The following CTBP2 variants were observed in gnomAD, a reference collection of about 807,000 sequenced individuals.
The protein encoded by CTBP2 is C-terminal binding protein 2, also known as C-terminal-binding protein 2.
CTBP2 carries 30 observed loss-of-function variants against 80.3 expected under a neutral mutation model. The ratio of observed to expected loss-of-function variants is 0.37; its 90% CI spans 0.28 to 0.51. CTBP2 has a LOEUF of 0.51. CTBP2 is among the 20% of genes least tolerant of loss of function. The probability of loss-of-function intolerance (pLI) is 0.93; values close to 1 mark genes in which losing one functional copy is unlikely to be tolerated. For missense variants in CTBP2, 1,212 were observed against 1,375.3 expected (o/e 0.88, Z 1.88); for synonymous variants, 594 against 587.4 (o/e 1.01, Z -0.16).
intron 2 of CTBP2, among the ~76,000 whole-genome samples, chr10:125,039,435 T>C (rs537911396): frequency 3.9e-5 from 6 of 152,256 alleles, no homozygotes; most frequent in Non-Finnish European, 7.3e-5. Flanking sequence ...CTTTTAACTT[T>C]AGGGCTATAA....
upstream of CTBP2, among the ~76,000 whole-genome samples, chr10:125,029,106 T>C (rs1957930994): frequency 6.6e-6 from 1 of 152,226 alleles, no homozygotes; most frequent in Non-Finnish European, 1.5e-5. Context: ...TTGAAAGCAC[T>C]TTAAAATGAG....
chr10:125,041,922 C>T (rs2935653), intron 2 of CTBP2, among the ~76,000 whole-genome samples: 80,805 of 149,010 alleles, frequency 0.54, 22,151 homozygotes, highest in Admixed American at 0.63. Flanking sequence ...GCCAATATTC[C>T]ACTATTAAAA....
chr10:125,104,193 C>G (rs532289112), intron 2 of CTBP2, among the ~76,000 whole-genome samples: 2 of 152,160 alleles, frequency 1.3e-5, no homozygotes, highest in African/African-American at 4.8e-5. Flanking sequence ...TCGATCCCAG[C>G]GGCCTGGAGA....
At chr10:125,094,314 T>C (rs772818186) in intron 2 of CTBP2, among the ~76,000 whole-genome samples, 1 of 152,118 alleles carries the variant, frequency 6.6e-6, no homozygotes, top group Non-Finnish European at 1.5e-5. Context: ...AAATGCACTG[T>C]CATGAACACC....
intron 1 of CTBP2, among the ~76,000 whole-genome samples, chr10:125,009,240 G>A (rs1172129115): frequency 2.0e-5 from 3 of 152,196 alleles, no homozygotes; most frequent in African/African-American, 7.2e-5. Flanking sequence ...TGGCACCGGG[G>A]AACGAGCATT....
At chr10:125,091,881 G>GA (rs1848816118) in intron 2 of CTBP2, among the ~76,000 whole-genome samples, 1 of 152,130 alleles carries the variant, frequency 6.6e-6, no homozygotes, top group Non-Finnish European at 1.5e-5. Context: ...TAATCACTAT[G>GA]AACTGCTCCT....
chr10:125,045,132 C>T (rs1355871697), intron 2 of CTBP2, among the ~76,000 whole-genome samples: 2 of 152,122 alleles, frequency 1.3e-5, no homozygotes, highest in Non-Finnish European at 2.9e-5. Flanking sequence ...CCCTCAGGAA[C>T]AGGATTATTA....
At chr10:125,080,487 G>T (rs80277486) in intron 2 of CTBP2, among the ~76,000 whole-genome samples, 2,381 of 152,272 alleles carry the variant, frequency 0.016, 70 homozygotes, top group South Asian at 0.11. Context: ...CTGTCGACCT[G>T]ACAACACCCC....
chr10:125,041,421 A>T (rs1015842420), intron 2 of CTBP2, among the ~76,000 whole-genome samples: 5 of 151,570 alleles, frequency 3.3e-5, no homozygotes, highest in African/African-American at 9.7e-5. Flanking sequence ...ACAAAAAAAG[A>T]GTCCCTAACT....
chr10:125,142,651 C>T (rs1858035097), intron 1 of CTBP2, among the ~76,000 whole-genome samples: 1 of 152,114 alleles, frequency 6.6e-6, no homozygotes, highest in Non-Finnish European at 1.5e-5. Flanking sequence ...AAACTTGATC[C>T]TTCTCAAAAA....
chr10:124,986,673 T>C lies in CTBP2; in HGVS notation c.*2845A>G, dbSNP rs967068176. On this transcript the variant is annotated 3_prime_UTR_variant, in exon 9 of 9. Transcript: ENST00000309035. ...TAAAAATTGGCTGTTTGCTTTCATTTTGGCCAATAAGTAATCAAGTTTGTA... is the reference window on the plus strand; with the variant it reads ...TAAAAATTGGCTGTTTGCTTTCATTCTGGCCAATAAGTAATCAAGTTTGTA... 2 of 152,232 alleles carry C rather than the reference T, an allele frequency of 1.3e-5. No homozygotes were observed. Among genetic ancestry groups the C allele is most frequent in the Admixed American group, 1.3e-4 (2 of 15,280 alleles). 9.4% of individuals were successfully genotyped at this position (152,232 alleles called of 1,614,324 possible).
chr10:125,111,880 C>T (rs970282319), intron 1 of CTBP2, among the ~76,000 whole-genome samples: 5 of 152,124 alleles, frequency 3.3e-5, no homozygotes, highest in Non-Finnish European at 7.3e-5. Flanking sequence ...GTCCTTTCTA[C>T]GGCTTTTCCA....
intron 2 of CTBP2, among the ~76,000 whole-genome samples, chr10:125,044,316 T>C (rs1356906764): frequency 8.6e-6 from 1 of 116,622 alleles, no homozygotes; most frequent in Admixed American, 9.4e-5. Flanking sequence ...CTTGCACACA[T>C]AGCCGAGGAT....
intron 2 of CTBP2, among the ~76,000 whole-genome samples, chr10:125,109,387 C>G (rs562469305): frequency 7.2e-5 from 11 of 152,334 alleles, no homozygotes; most frequent in Admixed American, 6.5e-4. Flanking sequence ...CAGCACCCAA[C>G]ACTGGAACTA....
intron 2 of CTBP2, 27 bp from the exon 3 acceptor site, chr10:125,039,182 C>T (rs1959173045): frequency 1.8e-5 from 14 of 772,788 alleles, no homozygotes; most frequent in Middle Eastern, 7.8e-4. Flanking sequence ...AGAATCCTTA[C>T]TCTCTGGAGA....
In CTBP2 at chr10:125,122,226, G is replaced by A. The variant is rs77104358; in HGVS notation, c.-205-11133C>T. Among the ~76,000 whole-genome samples the A allele has an allele frequency of 7.9e-3, 1,200 of 152,342 alleles. 22 individuals carry two copies. The highest frequency in any genetic ancestry group is 0.027 in the African/African-American group (1,130 of 41,578). On this transcript the variant is annotated intron_variant, in intron 1 of 10. Transcript: ENST00000337195. ...TATGTAACTGCTCAGCCGCATTTCT[G>A]CAGTTTGGAAAGAATGGACAACCTT...
intron 2 of CTBP2, chr10:125,100,535 T>C (rs75647387): frequency 6.6e-6 from 1 of 152,074 alleles, no homozygotes; most frequent in African/African-American, 2.4e-5. Context: ...GGAAAAAAAA[T>C]TTTTTAATTT....
chr10:125,004,836 C>A (rs1955017201), intron 1 of CTBP2, among the ~76,000 whole-genome samples: 1 of 152,146 alleles, frequency 6.6e-6, no homozygotes, highest in South Asian at 2.1e-4. Context: ...CCTTTGAGCA[C>A]AAGGCAGCAG....
At chr10:125,055,646 A>G (rs1963735032) in intron 2 of CTBP2, among the ~76,000 whole-genome samples, 1 of 152,126 alleles carries the variant, frequency 6.6e-6, no homozygotes, top group African/African-American at 2.4e-5. Flanking sequence ...GCCACACCCC[A>G]CAATCCCCGA....
Sources: gnomAD v4.1 joint callset for allele counts (sites outside exome capture counted in the v4.1 genomes callset) on GRCh38, gnomAD v4.1.1 for gene constraint, MANE v1.5 for transcripts, NCBI Gene and HGNC (gene_info 2026-07-23, HGNC 2026-07-21) for gene names.